The following BLTP1 variants were observed in gnomAD, a reference collection of about 807,000 sequenced individuals.
The protein encoded by BLTP1 is bridge-like lipid transfer protein family member 1.
At chr4:122,315,679 T>C in the BLTP1 span, 1 of 1,614,010 alleles carries the variant, frequency 6.2e-7, no homozygotes, top group East Asian at 2.2e-5. Flanking sequence ...TGTCTCCCAC[T>C]ATCCATACTG....
At chr4:122,166,206 G>A in the BLTP1 span, among the ~76,000 whole-genome samples, 1 of 151,996 alleles carries the variant, frequency 6.6e-6, no homozygotes, top group African/African-American at 2.4e-5. Flanking sequence ...TATGGTTTTA[G>A]GTCTAACGTT....
chr4:122,176,862 T>C, the BLTP1 span, among the ~76,000 whole-genome samples: 6 of 152,246 alleles, frequency 3.9e-5, no homozygotes, highest in African/African-American at 7.2e-5. Flanking sequence ...TAAACTGTTA[T>C]ATCAAGCACT....
At chr4:122,325,171 A>G in the BLTP1 span, 2 of 1,482,920 alleles carry the variant, frequency 1.3e-6, no homozygotes, top group Non-Finnish European at 1.8e-6. Context: ...ACTTTTATAA[A>G]GTCCAGGAAT....
chr4:122,255,100 C>G, the BLTP1 span: 1 of 1,583,218 alleles, frequency 6.3e-7, no homozygotes. Context: ...ATACCTATCA[C>G]TCTAAATCTA....
the BLTP1 span, among the ~76,000 whole-genome samples, chr4:122,222,665 G>A: frequency 2.0e-5 from 3 of 151,980 alleles, no homozygotes; most frequent in Middle Eastern, 3.4e-3. Context: ...CCTCCATCTC[G>A]ACTGGCTGCC....
At chr4:122,179,825 A>G in the BLTP1 span, 1 of 984,848 alleles carries the variant, frequency 1.0e-6, no homozygotes, top group African/African-American at 1.7e-5. Flanking sequence ...TAGTACACTC[A>G]CTGTATCCCC....
At chr4:122,237,473 C>T in the BLTP1 span, 32 of 616,668 alleles carry the variant, frequency 5.2e-5, no homozygotes, top group Non-Finnish European at 6.5e-5. Flanking sequence ...ATGATACAGT[C>T]CCTGTCAACA....
chr4:122,271,911 T>G, the BLTP1 span, among the ~76,000 whole-genome samples: 1 of 152,120 alleles, frequency 6.6e-6, no homozygotes, highest in East Asian at 1.9e-4. Context: ...TTTCCCAACC[T>G]TTTAAACTCT....
chr4:122,255,116 G>C, the BLTP1 span: 1 of 1,595,016 alleles, frequency 6.3e-7, no homozygotes, highest in Non-Finnish European at 8.6e-7. Flanking sequence ...ATCTATTGTT[G>C]TTTCTTGATT....
the BLTP1 span, among the ~76,000 whole-genome samples, chr4:122,341,145 AT>A: frequency 6.6e-6 from 1 of 152,094 alleles, no homozygotes; most frequent in Non-Finnish European, 1.5e-5. Context: ...GTATGTAAAT[AT>A]TTTTAAACAA....
At chr4:122,298,501 A>G in the BLTP1 span, 1 of 220,946 alleles carries the variant, frequency 4.5e-6, no homozygotes, top group African/African-American at 2.3e-5. Context: ...TTCAGAGTAG[A>G]AATTGCAACC....
the BLTP1 span, chr4:122,276,032 A>T: frequency 1.3e-6 from 2 of 1,576,876 alleles, no homozygotes; most frequent in Non-Finnish European, 1.7e-6. Context: ...TGTATGTCAT[A>T]TTATTCTTTT....
chr4:122,262,834 G>A, the BLTP1 span: 1 of 1,613,834 alleles, frequency 6.2e-7, no homozygotes, highest in Non-Finnish European at 8.5e-7. Context: ...GTGCATGTTG[G>A]ACGTGCTGGG....
the BLTP1 span, among the ~76,000 whole-genome samples, chr4:122,275,598 G>C: frequency 2.6e-5 from 4 of 151,948 alleles, no homozygotes; most frequent in African/African-American, 9.7e-5. Context: ...TTAAGAGAAG[G>C]GCTTCCAATA....
the BLTP1 span, among the ~76,000 whole-genome samples, chr4:122,327,027 A>G: frequency 6.6e-6 from 1 of 151,822 alleles, no homozygotes; most frequent in Admixed American, 6.6e-5. Flanking sequence ...ATTAAACTTT[A>G]TAAAGGCTTA....
chr4:122,188,156 A>G, the BLTP1 span: 1 of 1,289,472 alleles, frequency 7.8e-7, no homozygotes. Flanking sequence ...AGAAACTTTA[A>G]CATCCTTTTA....
the BLTP1 span, chr4:122,333,495 A>C: frequency 1.9e-5 from 16 of 848,836 alleles, no homozygotes; most frequent in Admixed American, 1.5e-4. Flanking sequence ...TTTTTCTTGT[A>C]AATTTGTTTG....
the BLTP1 span, chr4:122,209,805 T>A: frequency 6.2e-7 from 1 of 1,612,674 alleles, no homozygotes; most frequent in Non-Finnish European, 8.5e-7. Context: ...ACTGTCTGTT[T>A]TACTCTTCAA....
At chr4:122,206,159 G>A in the BLTP1 span, 2 of 740,904 alleles carry the variant, frequency 2.7e-6, no homozygotes, top group Non-Finnish European at 1.6e-6. Flanking sequence ...AGAAAGTCAA[G>A]TCTATGTTTC....
Sources: allele counts gnomAD v4.1 joint callset (sites outside exome capture counted in the v4.1 genomes callset), GRCh38; gene constraint gnomAD v4.1.1; transcripts MANE v1.5; gene names NCBI Gene and HGNC (gene_info 2026-07-23, HGNC 2026-07-21).